The following LPGAT1 variants were observed in gnomAD, a reference collection of about 807,000 sequenced individuals.
LPGAT1 encodes the protein acyl-CoA:lysophosphatidylglycerol acyltransferase 1.
LPGAT1 carries 11 observed loss-of-function variants against 47.5 expected under a neutral mutation model. The ratio of observed to expected loss-of-function variants is 0.23; its 90% CI spans 0.15 to 0.38. LPGAT1 has a LOEUF of 0.38. Ranked by LOEUF, LPGAT1 falls within the 10% of genes least tolerant of loss-of-function variation. The pLI, the probability that LPGAT1 is intolerant of heterozygous loss-of-function variation, is 1.00. For synonymous variants in LPGAT1, 138 were observed against 144.2 expected (o/e 0.96, Z 0.31); for missense variants, 293 against 439.0 (o/e 0.67, Z 2.97).
chr1:211,787,626 A>G lies in LPGAT1; in HGVS notation c.453+6T>C, dbSNP rs368152417. The G allele has an allele frequency of 3.6e-5, 55 of 1,519,044 alleles. No individual in the cohort carries two copies. The highest frequency in any genetic ancestry group is 4.9e-5 in the Non-Finnish European group (54 of 1,102,204). The allele number at this position is 1,519,044 out of a possible 1,614,324, so 94.1% of individuals were successfully genotyped here. A position where few individuals can be genotyped will look rare whatever the true frequency, so the allele number is the denominator to read the frequency against. On this transcript the variant is annotated splice_donor_region_variant and intron_variant, in intron 4 of 7. Coordinates refer to ENST00000366997, the MANE Select transcript of LPGAT1 (RefSeq NM_014873.3). ...TCACTGCGGGGAAAAAGTGCTCATT[A>G]CTTACCTGTCTTATAAAGAAGTCTC...
intron 6 of LPGAT1, among the ~76,000 whole-genome samples, chr1:211,775,871 C>T (rs983422678): frequency 4.8e-5 from 7 of 147,226 alleles, no homozygotes; most frequent in South Asian, 4.3e-4. Context: ...GCGGAGGTTA[C>T]GGTGAGTCGA....
chr1:211,819,611 T>C (rs79776336), intron 2 of LPGAT1, among the ~76,000 whole-genome samples: 3,417 of 152,192 alleles, frequency 0.022, 129 homozygotes, highest in African/African-American at 0.077. Context: ...GAGCAGCTTA[T>C]AGGGCAAGAC....
intron 6 of LPGAT1, among the ~76,000 whole-genome samples, chr1:211,765,389 T>C (rs1657866127): frequency 6.6e-6 from 1 of 152,208 alleles, no homozygotes; most frequent in South Asian, 2.1e-4. Context: ...ATCTAGGTAG[T>C]CCTTCCATTT....
intron 2 of LPGAT1, among the ~76,000 whole-genome samples, chr1:211,794,998 G>A (rs928820057): frequency 6.6e-6 from 1 of 152,176 alleles, no homozygotes; most frequent in East Asian, 1.9e-4. Context: ...ACTAGAAAGA[G>A]AAGCTAACTC....
intron 6 of LPGAT1, among the ~76,000 whole-genome samples, chr1:211,757,678 C>G (rs924753898): frequency 6.6e-6 from 1 of 152,134 alleles, no homozygotes; most frequent in African/African-American, 2.4e-5. Flanking sequence ...GACAGAGATT[C>G]TGAAGACGCT....
intron 2 of LPGAT1, among the ~76,000 whole-genome samples, chr1:211,822,713 C>T (rs925194013): frequency 2.0e-5 from 3 of 150,910 alleles, no homozygotes; most frequent in African/African-American, 4.9e-5. Context: ...AAGAGGCGGA[C>T]GTTGCAGTGG....
chr1:211,746,681 T>C lies in LPGAT1; in HGVS notation c.*3218A>G, dbSNP rs775864619. On this transcript the variant is annotated 3_prime_UTR_variant, in exon 8 of 8. Coordinates refer to ENST00000366997, the MANE Select transcript of LPGAT1 (RefSeq NM_014873.3). ...ATATTAAAGACCAATAAGATAGATC[T>C]GAACTCATAGCTATCTTCTTTTTTA... 9.8e-5 allele frequency: 15 copies of C among 152,370 alleles called. No individual in the cohort carries two copies. The highest frequency in any genetic ancestry group is 1.9e-4 in the Non-Finnish European group (13 of 68,036). The allele number at this position is 152,370 out of a possible 1,614,324, so 9.4% of individuals were successfully genotyped here.
At chr1:211,790,266 C>A (rs906948745) in intron 3 of LPGAT1, among the ~76,000 whole-genome samples, 35 of 152,100 alleles carry the variant, frequency 2.3e-4, no homozygotes, top group African/African-American at 8.0e-4. Flanking sequence ...AAACGTCTGG[C>A]AATGCCCAGG....
intron 1 of LPGAT1, chr1:211,829,894 G>A (rs1398656538): frequency 3.0e-6 from 3 of 985,112 alleles, no homozygotes; most frequent in Non-Finnish European, 3.6e-6. Flanking sequence ...AAAAAAATGG[G>A]GGGCCTAGAA....
chr1:211,810,849 A>C (rs1659963438), intron 2 of LPGAT1, among the ~76,000 whole-genome samples: 1 of 152,222 alleles, frequency 6.6e-6, no homozygotes, highest in African/African-American at 2.4e-5. Context: ...AAATAAGATT[A>C]TATCTATAAA....
chr1:211,780,895 T>A (rs906897322), intron 5 of LPGAT1, among the ~76,000 whole-genome samples: 2 of 148,752 alleles, frequency 1.3e-5, no homozygotes, highest in Non-Finnish European at 1.5e-5. Flanking sequence ...CTTATGTATG[T>A]TTGAAAATTT....
At chr1:211,783,163 C>T (rs552735246) in intron 5 of LPGAT1, 66 bp downstream of exon 5, 17 of 1,340,934 alleles carry the variant, frequency 1.3e-5, no homozygotes, top group Middle Eastern at 4.5e-4. Flanking sequence ...GAACAATGAT[C>T]ATCTTCTGTA....
intron 6 of LPGAT1, among the ~76,000 whole-genome samples, chr1:211,764,204 A>C (rs556284600): frequency 2.0e-5 from 3 of 151,950 alleles, no homozygotes; most frequent in Non-Finnish European, 4.4e-5. Flanking sequence ...CTCAGTGCCA[A>C]CTGTCTTTTG....
chr1:211,782,570 C>T (rs530623116), intron 5 of LPGAT1, among the ~76,000 whole-genome samples: 6 of 152,152 alleles, frequency 3.9e-5, no homozygotes, highest in South Asian at 2.1e-4. Flanking sequence ...CCCATCTCTA[C>T]AAAACAACTA....
intron 2 of LPGAT1, among the ~76,000 whole-genome samples, chr1:211,807,099 TATCA>T: frequency 6.6e-6 from 1 of 152,310 alleles, no homozygotes; most frequent in East Asian, 1.9e-4. Context: ...CTGACATAGC[TATCA>T]ATCATATTTA....
chr1:211,825,927 T>C (rs1660532254), intron 2 of LPGAT1, among the ~76,000 whole-genome samples: 1 of 151,782 alleles, frequency 6.6e-6, no homozygotes, highest in East Asian at 1.9e-4. Flanking sequence ...ACCATTGCAC[T>C]CTGGCCTGGG....
At chr1:211,795,262 A>G (rs537803720) in intron 2 of LPGAT1, among the ~76,000 whole-genome samples, 1 of 152,390 alleles carries the variant, frequency 6.6e-6, no homozygotes, top group South Asian at 2.1e-4. Context: ...ATGGAATATT[A>G]TGCAAACATA....
At chr1:211,787,094 A>G (rs189838925) in intron 4 of LPGAT1, among the ~76,000 whole-genome samples, 1 of 152,348 alleles carries the variant, frequency 6.6e-6, no homozygotes, top group African/African-American at 2.4e-5. Flanking sequence ...TAAATGGGAG[A>G]AGAGTAGAGA....
rs1236864726 is a variant in LPGAT1 at position 211,749,669 on chromosome 1, G to C, written c.*230C>G. 5.9e-5 allele frequency: 27 copies of C among 459,296 alleles called. No homozygotes were observed. Among genetic ancestry groups the C allele is most frequent in the Non-Finnish European group, 9.6e-5 (25 of 260,956 alleles). The allele number at this position is 459,296 out of a possible 1,614,324, so 28.5% of individuals were successfully genotyped here. On this transcript the variant is annotated 3_prime_UTR_variant, in exon 8 of 8. Transcript: ENST00000366997. ...GTGATGTTTGCTTAAATATGTGATA[G>C]AGTGTATCTTTTTAAAACATGTTCT...
Sources: allele counts gnomAD v4.1 joint callset (sites outside exome capture counted in the v4.1 genomes callset), GRCh38; gene constraint gnomAD v4.1.1; transcripts MANE v1.5; gene names NCBI Gene and HGNC (gene_info 2026-07-23, HGNC 2026-07-21).